PRLR: variants seen among roughly 807,000 people sequenced by gnomAD.
The protein encoded by PRLR is hPRL receptor.
PRLR carries 13 observed loss-of-function variants against 40.2 expected under a neutral mutation model. The ratio of observed to expected loss-of-function variants is 0.32; its 90% CI spans 0.21 to 0.51. The LOEUF (loss-of-function observed/expected upper bound fraction) is 0.51, where lower values mean the gene tolerates loss of function less well. Ranked by LOEUF, PRLR falls within the 20% of genes least tolerant of loss-of-function variation. The pLI is 0.97. For synonymous variants in PRLR, 269 were observed against 278.7 expected, an observed-to-expected ratio of 0.97 and a Z score of 0.35; for missense variants, 656 against 747.3, an observed-to-expected ratio of 0.88 and a Z score of 1.42.
intron 1 of PRLR, among the ~76,000 whole-genome samples, chr5:35,191,272 G>T (rs796474520): frequency 1.0e-5 from 1 of 96,260 alleles, no homozygotes; most frequent in Non-Finnish European, 2.3e-5. Context: ...GGGTTTCACC[G>T]TTTTAGCCGG....
At chr5:35,080,264 G>A (rs566504648) in intron 5 of PRLR, among the ~76,000 whole-genome samples, 6 of 152,090 alleles carry the variant, frequency 3.9e-5, no homozygotes, top group Non-Finnish European at 5.9e-5. Flanking sequence ...CCTACAGAAT[G>A]GGAGAAAATT....
chr5:35,100,502 A>G (rs896251670), intron 2 of PRLR, among the ~76,000 whole-genome samples: 2 of 152,216 alleles, frequency 1.3e-5, no homozygotes, highest in African/African-American at 2.4e-5. Flanking sequence ...ATGTTTAGAT[A>G]CACAAATACT....
chr5:35,078,280 A>T lies in PRLR; in HGVS notation c.374-5536T>A, dbSNP rs188053675. Reference sequence around the variant, plus strand: ...TGAATCCAGGAGCGGTTTTTTGAAAAGATCAACAAAATTAATAGACCACTA... The same window carrying T: ...TGAATCCAGGAGCGGTTTTTTGAAATGATCAACAAAATTAATAGACCACTA... On this transcript the variant is annotated intron_variant, in intron 5 of 9. Coordinates refer to ENST00000618457, the MANE Select transcript of PRLR (RefSeq NM_000949.7). 1.2e-3 allele frequency among the ~76,000 whole-genome samples: 190 copies of T among 152,272 alleles called. 4 individuals carry two copies. Among genetic ancestry groups the T allele is most frequent in the Non-Finnish European group, 1.6e-3 (112 of 68,018 alleles).
At chr5:35,180,223 T>C (rs2111974292) in intron 1 of PRLR, among the ~76,000 whole-genome samples, 1 of 152,272 alleles carries the variant, frequency 6.6e-6, no homozygotes, top group South Asian at 2.1e-4. Flanking sequence ...TAAATACAAA[T>C]GAAACTTTGC....
intron 1 of PRLR, among the ~76,000 whole-genome samples, chr5:35,126,690 A>G (rs1329302021): frequency 6.6e-6 from 1 of 152,142 alleles, no homozygotes; most frequent in African/African-American, 2.4e-5. Flanking sequence ...TTCACCTGTA[A>G]AGTGGAAATA....
rs541139475 is a variant in PRLR, at chr5:35,096,288, C to T, written c.-43-6625G>A. On this transcript the variant is annotated intron_variant, in intron 2 of 9. Transcript: ENST00000618457. Reference sequence around the variant, plus strand: ...TAATCACATTAACTCCACTCACTCACTACAGCTTCCTCATCCTAGCAACAT... The same window carrying T: ...TAATCACATTAACTCCACTCACTCATTACAGCTTCCTCATCCTAGCAACAT... 1.7e-4 allele frequency among the ~76,000 whole-genome samples: 26 copies of T among 152,352 alleles called. No individual in the cohort carries two copies. In the South Asian group the frequency reaches 5.2e-3, roughly 30 times the overall value.
intron 1 of PRLR, among the ~76,000 whole-genome samples, chr5:35,168,482 G>T (rs2111933424): frequency 6.6e-6 from 1 of 151,980 alleles, no homozygotes; most frequent in South Asian, 2.1e-4. Context: ...ATTTCAAAGG[G>T]TTGAAGTCAT....
intron 1 of PRLR, among the ~76,000 whole-genome samples, chr5:35,153,313 T>G (rs999947973): frequency 2.0e-5 from 3 of 152,232 alleles, no homozygotes; most frequent in Non-Finnish European, 4.4e-5. Context: ...AGGTGAAGTC[T>G]TTACAATGTT....
At chr5:35,106,091 A>T (rs930438394) in intron 2 of PRLR, among the ~76,000 whole-genome samples, 3 of 152,210 alleles carry the variant, frequency 2.0e-5, no homozygotes, top group Non-Finnish European at 4.4e-5. Context: ...TAAAGAAAAG[A>T]ATTTTCAACC....
chr5:35,151,123 A>G (rs141571178), intron 1 of PRLR, among the ~76,000 whole-genome samples: 4 of 152,308 alleles, frequency 2.6e-5, no homozygotes, highest in African/African-American at 9.6e-5. Flanking sequence ...TTCTGGGTAC[A>G]CAGGAGGGCC....
chr5:35,049,990 C>G (rs942751239), intron 8 of PRLR, among the ~76,000 whole-genome samples: 1 of 150,956 alleles, frequency 6.6e-6, no homozygotes, highest in Non-Finnish European at 1.5e-5. Context: ...TCACCGCAAC[C>G]TCCGCCTCCC....
intron 1 of PRLR, among the ~76,000 whole-genome samples, chr5:35,174,572 G>C (rs1420351588): frequency 6.6e-6 from 1 of 152,132 alleles, no homozygotes; most frequent in African/African-American, 2.4e-5. Flanking sequence ...CTTGATGACA[G>C]GCCTGAATTA....
intron 2 of PRLR, among the ~76,000 whole-genome samples, chr5:35,093,927 G>C (rs1222339383): frequency 1.3e-5 from 2 of 152,148 alleles, no homozygotes; most frequent in Non-Finnish European, 1.5e-5. Context: ...GGAGCAATAG[G>C]CTATGTCATC....
chr5:35,161,691 AG>A (rs1774679511), intron 1 of PRLR, among the ~76,000 whole-genome samples: 1 of 152,206 alleles, frequency 6.6e-6, no homozygotes, highest in East Asian at 1.9e-4. Context: ...TTGCTTCATC[AG>A]GCAAGTTACT....
intron 2 of PRLR, among the ~76,000 whole-genome samples, chr5:35,117,211 G>A (rs1016710912): frequency 1.3e-4 from 20 of 152,140 alleles, no homozygotes; most frequent in African/African-American, 4.1e-4. Context: ...ACACCAAAGC[G>A]GCATGATGGC....
intron 5 of PRLR, among the ~76,000 whole-genome samples, chr5:35,075,874 T>C (rs1579585806): frequency 6.6e-6 from 1 of 152,192 alleles, no homozygotes; most frequent in South Asian, 2.1e-4. Flanking sequence ...ACATTTGCTG[T>C]TCTGCAATAT....
chr5:35,065,461 G>A lies in PRLR; in HGVS notation c.1497C>T (p.Thr499=). The change falls in exon 10 of 10, where the codon ACC becomes ACT. Residue 499 remains threonine (T), a synonymous_variant. Transcript: ENST00000618457. ...DTPWLLPQEK[T]PFGSAKPLDY... is the part of the protein sequence containing the mutation. ...CCAAGGGTTTAGCGGAGCCAAAGGG[G>A]GTTTTCTCCTGGGGCAGCAGCCAGG... The A allele has an allele frequency of 6.2e-7, 1 of 1,614,104 alleles. No individual in the cohort carries two copies. The highest frequency in any genetic ancestry group is 8.5e-7 in the Non-Finnish European group (1 of 1,180,022).
chr5:35,145,289 T>G (rs896783176), intron 1 of PRLR, among the ~76,000 whole-genome samples: 1 of 152,144 alleles, frequency 6.6e-6, no homozygotes, highest in Non-Finnish European at 1.5e-5. Flanking sequence ...AAGAACAAAA[T>G]GAAGACAAGA....
At chr5:35,131,046 A>G (rs1303657136) in intron 1 of PRLR, among the ~76,000 whole-genome samples, 1 of 152,190 alleles carries the variant, frequency 6.6e-6, no homozygotes, top group Non-Finnish European at 1.5e-5. Flanking sequence ...AAGTGTCGGA[A>G]AATACATTTT....
Sources: gnomAD v4.1 joint callset for allele counts (sites outside exome capture counted in the v4.1 genomes callset) on GRCh38, gnomAD v4.1.1 for gene constraint, MANE v1.5 for transcripts, NCBI Gene and HGNC (gene_info 2026-07-23, HGNC 2026-07-21) for gene names.